SLC24A3: variants seen among roughly 807,000 people sequenced by gnomAD.
SLC24A3 encodes the protein sodium/potassium/calcium exchanger 3.
Under a neutral mutation model 75.8 loss-of-function variants are expected in SLC24A3, and 28 were observed. The ratio of observed to expected loss-of-function variants is 0.37; its 90% CI spans 0.27 to 0.51. SLC24A3 has a LOEUF of 0.51. Among genes scored for constraint, SLC24A3 ranks in the 20% least tolerant of loss-of-function variants. The pLI is 0.94. For synonymous variants in SLC24A3, 372 were observed against 334.1 expected, an observed-to-expected ratio of 1.11 and a Z score of -1.24; for missense variants, 663 against 847.8, an observed-to-expected ratio of 0.78 and a Z score of 2.71.
intron 6 of SLC24A3, among the ~76,000 whole-genome samples, chr20:19,647,449 G>T (rs901526134): frequency 6.6e-5 from 10 of 152,168 alleles, no homozygotes; most frequent in Non-Finnish European, 1.2e-4. Flanking sequence ...GCTGTGCCGG[G>T]TGCTGGCACA....
chr20:19,238,082 T>C (rs1465783922), intron 1 of SLC24A3, among the ~76,000 whole-genome samples: 1 of 152,192 alleles, frequency 6.6e-6, no homozygotes, highest in African/African-American at 2.4e-5. Context: ...GTATATAGCT[T>C]GATGAATTTT....
intron 15 of SLC24A3, among the ~76,000 whole-genome samples, chr20:19,711,306 C>T (rs1188695232): frequency 6.6e-6 from 1 of 151,536 alleles, no homozygotes; most frequent in African/African-American, 2.4e-5. Flanking sequence ...CACACATGCA[C>T]ACATACAAAC....
intron 2 of SLC24A3, among the ~76,000 whole-genome samples, chr20:19,313,779 G>C (rs1984516456): frequency 6.6e-6 from 1 of 152,220 alleles, no homozygotes; most frequent in Non-Finnish European, 1.5e-5. Flanking sequence ...TATGGGGCAA[G>C]TTTCTCTTGT....
intron 2 of SLC24A3, among the ~76,000 whole-genome samples, chr20:19,506,416 G>A (rs1457168626): frequency 6.6e-6 from 1 of 152,040 alleles, no homozygotes; most frequent in Admixed American, 6.5e-5. Context: ...GGTTTTTGAA[G>A]GGAAGGACTT....
chr20:19,270,073 G>T lies in SLC24A3; in HGVS notation c.143-10886G>T, dbSNP rs544696466. On this transcript the variant is annotated intron_variant, in intron 1 of 16. Coordinates refer to ENST00000328041, the MANE Select transcript of SLC24A3 (RefSeq NM_020689.4). ...AGCCTGATTGGGAGTCCCTGGGATT[G>T]CTTGGAGCTACTACACAATGCATTG... 5.3e-5 allele frequency among the ~76,000 whole-genome samples: 8 copies of T among 152,272 alleles called. No homozygotes were observed. The East Asian group carries it at 1.5e-3, about 29-fold the overall frequency.
intron 1 of SLC24A3, among the ~76,000 whole-genome samples, chr20:19,279,558 C>G (rs1983594975): frequency 6.6e-6 from 1 of 152,186 alleles, no homozygotes; most frequent in Admixed American, 6.5e-5. Context: ...TTTCCTTGCT[C>G]TTTTCCTTCC....
chr20:19,362,479 A>G (rs1985807336), intron 2 of SLC24A3, among the ~76,000 whole-genome samples: 1 of 152,228 alleles, frequency 6.6e-6, no homozygotes, highest in South Asian at 2.1e-4. Flanking sequence ...GGAAATAAAT[A>G]ATTCAGGCAA....
At chr20:19,572,394 G>A (rs1021670616) in intron 3 of SLC24A3, among the ~76,000 whole-genome samples, 1 of 152,148 alleles carries the variant, frequency 6.6e-6, no homozygotes, top group Non-Finnish European at 1.5e-5. Context: ...AGCCAGCAAT[G>A]CAACATAATA....
intron 2 of SLC24A3, among the ~76,000 whole-genome samples, chr20:19,284,998 T>C (rs560935377): frequency 1.3e-5 from 2 of 152,262 alleles, no homozygotes; most frequent in East Asian, 3.9e-4. Context: ...TTCCATGCCA[T>C]ACCTCAAGCC....
intron 14 of SLC24A3, among the ~76,000 whole-genome samples, 169 bp downstream of exon 14, chr20:19,697,080 A>G (rs960890845): frequency 6.6e-6 from 1 of 151,128 alleles, no homozygotes; most frequent in African/African-American, 2.4e-5. Context: ...GGAAGGGAGG[A>G]AGTCAGGCGG....
chr20:19,266,313 C>G (rs1983165229), intron 1 of SLC24A3, among the ~76,000 whole-genome samples: 1 of 152,212 alleles, frequency 6.6e-6, no homozygotes. Context: ...GCTGCTCTTT[C>G]TTCTCCTCAC....
intron 7 of SLC24A3, among the ~76,000 whole-genome samples, chr20:19,658,228 G>A (rs918880129): frequency 2.4e-4 from 37 of 152,136 alleles, no homozygotes; most frequent in African/African-American, 8.7e-4. Flanking sequence ...GACTTCTCCA[G>A]AGACGCTGAT....
chr20:19,461,734 T>C (rs1368021994), intron 2 of SLC24A3, among the ~76,000 whole-genome samples: 1 of 152,060 alleles, frequency 6.6e-6, no homozygotes, highest in Admixed American at 6.6e-5. Flanking sequence ...GGTTTCACCA[T>C]GTTGGCCAGG....
chr20:19,454,684 G>A (rs539919781), intron 2 of SLC24A3, among the ~76,000 whole-genome samples: 23 of 152,296 alleles, frequency 1.5e-4, no homozygotes, highest in Non-Finnish European at 2.6e-4. Context: ...AGACCCAAGG[G>A]TTGTAGGGGT....
intron 1 of SLC24A3, among the ~76,000 whole-genome samples, chr20:19,268,010 G>A (rs889389980): frequency 6.6e-6 from 1 of 152,166 alleles, no homozygotes; most frequent in African/African-American, 2.4e-5. Flanking sequence ...TGTGCATGGT[G>A]TAAAAAGATT....
chr20:19,293,296 A>G (rs1001364602), intron 2 of SLC24A3, among the ~76,000 whole-genome samples: 1 of 152,024 alleles, frequency 6.6e-6, no homozygotes, highest in East Asian at 1.9e-4. Context: ...TTTTTATCCA[A>G]TTGCCCTGGT....
At chr20:19,240,942 A>G (rs1052733774) in intron 1 of SLC24A3, among the ~76,000 whole-genome samples, 7 of 152,196 alleles carry the variant, frequency 4.6e-5, no homozygotes, top group African/African-American at 9.6e-5. Context: ...AGCAGGGTGC[A>G]TGGCCGGCAA....
intron 1 of SLC24A3, among the ~76,000 whole-genome samples, chr20:19,236,003 T>A (rs1982155480): frequency 6.6e-6 from 1 of 152,282 alleles, no homozygotes; most frequent in Admixed American, 6.5e-5. Context: ...TGCTCATGTA[T>A]GAGACAAATT....
At chr20:19,291,992 A>G (rs982431564) in intron 2 of SLC24A3, among the ~76,000 whole-genome samples, 2 of 152,182 alleles carry the variant, frequency 1.3e-5, no homozygotes, top group African/African-American at 2.4e-5. Context: ...AACCTTTCAG[A>G]TAGATAAGGA....
Sources: allele counts gnomAD v4.1 joint callset (sites outside exome capture counted in the v4.1 genomes callset), GRCh38; gene constraint gnomAD v4.1.1; transcripts MANE v1.5; gene names NCBI Gene and HGNC (gene_info 2026-07-23, HGNC 2026-07-21).